Variants in MARCHF6 observed in about 807,000 individuals in gnomAD.
The protein encoded by MARCHF6 is membrane associated ring-CH-type finger 6, also known as E3 ubiquitin-protein ligase MARCHF6.
A neutral mutation model predicts 133.7 loss-of-function variants in MARCHF6; 31 were observed. The ratio of observed to expected loss-of-function variants is 0.23; its 90% confidence interval spans 0.17 to 0.31. MARCHF6 has a LOEUF of 0.31. Among genes scored for constraint, MARCHF6 ranks in the 10% least tolerant of loss-of-function variants. The pLI is 1.00. For synonymous variants in MARCHF6, 395 were observed against 402.5 expected (o/e 0.98, Z 0.22); for missense variants, 723 against 1,121.6 (o/e 0.64, Z 5.08).
intron 21 of MARCHF6, among the ~76,000 whole-genome samples, chr5:10,416,865 ATGT>A (rs888258973): frequency 1.3e-5 from 2 of 152,178 alleles, no homozygotes; most frequent in Non-Finnish European, 2.9e-5. Context: ...CTATTGGACC[ATGT>A]TGTTCTTTGA....
At chr5:10,392,936 G>C (rs1414161902) in intron 7 of MARCHF6, among the ~76,000 whole-genome samples, 2 of 152,152 alleles carry the variant, frequency 1.3e-5, no homozygotes, top group East Asian at 3.8e-4. Flanking sequence ...GCATATAACT[G>C]TGACCAAAAC....
At chr5:10,356,810 T>C (rs1735504290) in intron 1 of MARCHF6, among the ~76,000 whole-genome samples, 2 of 152,202 alleles carry the variant, frequency 1.3e-5, no homozygotes, top group African/African-American at 4.8e-5. Context: ...AAATAGCACA[T>C]TGCTTGCCTC....
chr5:10,360,938 A>C (rs1293507425), intron 1 of MARCHF6, among the ~76,000 whole-genome samples: 1 of 152,208 alleles, frequency 6.6e-6, no homozygotes, highest in Admixed American at 6.5e-5. Context: ...GGCTTACTTT[A>C]GTGGGTTTTA....
chr5:10,410,493 T>G (rs1234446681), intron 18 of MARCHF6, among the ~76,000 whole-genome samples: 3 of 152,136 alleles, frequency 2.0e-5, no homozygotes, highest in African/African-American at 4.8e-5. Flanking sequence ...TTTTGCCCTC[T>G]TATAGAAGTT....
chr5:10,420,976 C>T (rs1739793383), intron 22 of MARCHF6, among the ~76,000 whole-genome samples: 1 of 152,112 alleles, frequency 6.6e-6, no homozygotes, highest in Non-Finnish European at 1.5e-5. Context: ...TGTAATAACC[C>T]CTTTCTAGCA....
At position 10,429,978 on chromosome 5, in the gene MARCHF6, C is replaced by T. The variant is rs1561154244; in HGVS notation, c.2592C>T (p.Ser864=). Residue 864 remains serine (S), a synonymous_variant, in exon 25 of 26, where the codon TCC becomes TCT. Transcript: ENST00000274140. ...TCGTGGTATTGATGGCAATTTTGTC[C>T]TTCCAAGTCCGCCAGTTTAAGCGCC... The part of the protein sequence containing the change: ...LMVVVLMAIL[S]FQVRQFKRLY... 6.2e-7 allele frequency: 1 copy of T among 1,613,680 alleles called. No homozygotes were observed. The highest frequency in any genetic ancestry group is 1.7e-5 in the Admixed American group (1 of 60,022).
intron 17 of MARCHF6, among the ~76,000 whole-genome samples, chr5:10,407,947 A>C (rs908319677): frequency 4.3e-5 from 6 of 140,562 alleles, no homozygotes; most frequent in South Asian, 2.4e-4. Context: ...CAAGAGTGAA[A>C]CTGCATCCCC....
chr5:10,381,831 A>G lies in MARCHF6; in HGVS notation c.222A>G (p.Pro74=), dbSNP rs753796001. The G allele has an allele frequency of 1.6e-5, 25 of 1,609,814 alleles. No homozygotes were observed. Among genetic ancestry groups the G allele is most frequent in the Non-Finnish European group, 1.7e-5 (20 of 1,178,548 alleles). The change falls in exon 4 of 26, where the codon CCA becomes CCG. Residue 74 remains proline (P), a synonymous_variant. Coordinates refer to ENST00000274140, the MANE Select transcript of MARCHF6 (RefSeq NM_005885.4). ...CTCCAGATATGCCTTCACGGCTTCC[A>G]ATTCAAGACATATTTGCTGGACTGG... ...IYSPDMPSRL[P]IQDIFAGLVT...
chr5:10,402,640 TAATTTAAGG>T (rs777952815), intron 14 of MARCHF6, 33 bp downstream of exon 14: 235 of 1,522,502 alleles, frequency 1.5e-4, no homozygotes, highest in Non-Finnish European at 2.0e-4. Context: ...TATAATAGCA[TAATTTAAGG>T]GCTTCAAAAG....
intron 3 of MARCHF6, among the ~76,000 whole-genome samples, chr5:10,379,141 A>C (rs144247390): frequency 1.4e-3 from 216 of 152,244 alleles, no homozygotes; most frequent in African/African-American, 5.0e-3. Flanking sequence ...TAACAAGTCC[A>C]CATGAACCCA....
chr5:10,354,950 A>T (rs1487282947), intron 1 of MARCHF6, among the ~76,000 whole-genome samples: 1 of 152,096 alleles, frequency 6.6e-6, no homozygotes, highest in Non-Finnish European at 1.5e-5. Context: ...ATTTTTTTTT[A>T]AAGAAGTCTT....
chr5:10,420,422 G>A (rs1268847239), intron 22 of MARCHF6, among the ~76,000 whole-genome samples: 1 of 151,922 alleles, frequency 6.6e-6, no homozygotes, highest in African/African-American at 2.4e-5. Flanking sequence ...GGCTCAAAGG[G>A]AAACACACAA....
chr5:10,412,641 T>C (rs749056276), intron 19 of MARCHF6, among the ~76,000 whole-genome samples: 1 of 152,204 alleles, frequency 6.6e-6, no homozygotes, highest in Non-Finnish European at 1.5e-5. Flanking sequence ...TGTGCGATCA[T>C]GGCTCACTGT....
rs566185075 is a variant in MARCHF6 at position 10,396,706 on chromosome 5, C to T, written c.862-587C>T. Among the ~76,000 whole-genome samples the T allele has an allele frequency of 4.6e-5, 7 of 152,172 alleles. No homozygotes were observed. The South Asian group carries it at 1.0e-3, about 23-fold the overall frequency. On this transcript the variant is annotated intron_variant, in intron 9 of 25. Transcript: ENST00000274140. ...GCTGAAGGAATAGGCAGATAGCTGT[C>T]GCCTTAGAGGTGACAGTATGTAACT...
At chr5:10,404,890 A>G (rs1389982198) in intron 15 of MARCHF6, among the ~76,000 whole-genome samples, 2 of 152,252 alleles carry the variant, frequency 1.3e-5, no homozygotes, top group Non-Finnish European at 2.9e-5. Flanking sequence ...AAATGTAATT[A>G]TATGTGAACT....
intron 24 of MARCHF6, among the ~76,000 whole-genome samples, chr5:10,427,410 C>T (rs1740143344): frequency 1.3e-5 from 2 of 152,168 alleles, no homozygotes; most frequent in Admixed American, 1.3e-4. Context: ...GCAGTCCAAC[C>T]TTTTGGCATA....
chr5:10,403,659 T>G, intron 15 of MARCHF6, 118 bp downstream of exon 15: 1 of 921,474 alleles, frequency 1.1e-6, no homozygotes, highest in Non-Finnish European at 1.6e-6. Context: ...CTCTACTATT[T>G]TATTCTAAGA....
intron 4 of MARCHF6, among the ~76,000 whole-genome samples, chr5:10,385,132 A>C (rs1356849875): frequency 6.6e-6 from 1 of 152,228 alleles, no homozygotes; most frequent in Admixed American, 6.5e-5. Flanking sequence ...AAAACAGGTT[A>C]CATTCATCTA....
rs1246310815 is a variant in MARCHF6 at position 10,412,557 on chromosome 5, A to G, written c.1896+1020A>G. Among the ~76,000 whole-genome samples, 5 of 152,050 alleles carry G rather than the reference A, an allele frequency of 3.3e-5. No individual in the cohort carries two copies. The East Asian group carries it at 9.6e-4, about 29-fold the overall frequency. On this transcript the variant is annotated intron_variant, in intron 19 of 25. Coordinates refer to ENST00000274140, the MANE Select transcript of MARCHF6 (RefSeq NM_005885.4). The stretch of plus-strand genomic sequence containing the variant: ...GGCACATTAGGCATGGTGGGCTTAG[A>G]ATTGCAGATAAGAGAGTTGTGTTGT...
Sources: allele counts gnomAD v4.1 joint callset (sites outside exome capture counted in the v4.1 genomes callset), GRCh38; gene constraint gnomAD v4.1.1; transcripts MANE v1.5; gene names NCBI Gene and HGNC (gene_info 2026-07-23, HGNC 2026-07-21).